Variants in RYR2 observed in about 807,000 individuals in gnomAD.
The protein encoded by RYR2 is ryanodine receptor 2, also known as cardiac muscle ryanodine receptor-calcium release channel.
A neutral mutation model predicts 601.1 loss-of-function variants in RYR2; 227 were observed. The observed-to-expected ratio is 0.38, with a 90% confidence interval of 0.34 to 0.42. The LOEUF (loss-of-function observed/expected upper bound fraction) is 0.42. Among genes scored for constraint, RYR2 ranks in the 10% least tolerant of loss-of-function variants. RYR2 has a pLI of 1.00. For missense variants in RYR2, 4,646 were observed against 6,156.5 expected, an observed-to-expected ratio of 0.75 and a Z score of 8.21; for synonymous variants, 2,223 against 2,175.1, an observed-to-expected ratio of 1.02 and a Z score of -0.61.
At chr1:237,645,884 T>G (rs913395477) in intron 48 of RYR2, among the ~76,000 whole-genome samples, 6 of 148,734 alleles carry the variant, frequency 4.0e-5, no homozygotes, top group African/African-American at 1.5e-4. Context: ...TTTTTTTGCT[T>G]TTTTTTTTTT....
At chr1:237,103,261 T>C (rs1282802192) in intron 1 of RYR2, among the ~76,000 whole-genome samples, 1 of 152,222 alleles carries the variant, frequency 6.6e-6, no homozygotes, top group African/African-American at 2.4e-5. Flanking sequence ...CCGAACACTG[T>C]CCTACGTTTG....
At chr1:237,304,352 A>G (rs12029451) in intron 2 of RYR2, among the ~76,000 whole-genome samples, 37,986 of 152,062 alleles carry the variant, frequency 0.25, 5,746 homozygotes, top group South Asian at 0.36. Flanking sequence ...TAATAATTCT[A>G]TTTCCTCATC....
intron 1 of RYR2, among the ~76,000 whole-genome samples, chr1:237,258,225 G>A (rs2149301514): frequency 6.6e-6 from 1 of 151,808 alleles, no homozygotes; most frequent in Middle Eastern, 3.4e-3. Flanking sequence ...GCACATCTGA[G>A]GAGCAAAATA....
At position 237,654,118 on chromosome 1, in the gene RYR2, G is replaced by A. The variant is rs192918389; in HGVS notation, c.7825-156G>A. Among the ~76,000 whole-genome samples the A allele has an allele frequency of 4.0e-3, 611 of 152,194 alleles. 6 individuals carry two copies. The highest frequency in any genetic ancestry group is 0.014 in the African/African-American group (580 of 41,512). On this transcript the variant is annotated intron_variant, in intron 51 of 104. Transcript: ENST00000366574. ...ATTAACCATCACGTGTAGTATACACGGTGATAGTATTCTCCAAGATAATTT... is the reference window on the plus strand; with the variant it reads ...ATTAACCATCACGTGTAGTATACACAGTGATAGTATTCTCCAAGATAATTT...
At chr1:237,755,365 A>G (rs1290451497) in intron 80 of RYR2, among the ~76,000 whole-genome samples, 9 of 152,224 alleles carry the variant, frequency 5.9e-5, no homozygotes, top group Middle Eastern at 3.4e-3. Flanking sequence ...CTCTTAGGTC[A>G]TATATGTTTT....
rs1468480737 is a variant in RYR2, at chr1:237,387,303, G to C, written c.599G>C (p.Ser200Thr). 6.2e-7 allele frequency: 1 copy of C among 1,614,014 alleles called. No individual in the cohort carries two copies. Among genetic ancestry groups the C allele is most frequent in the South Asian group, 1.1e-5 (1 of 91,086 alleles). Residue 200 changes from serine to threonine, a missense_variant, in exon 9 of 105, where the codon AGC becomes ACC. Around this residue, in one of 17 missense-constraint regions of RYR2, gnomAD observed 87 missense variants for 144.7 expected, o/e 0.60. Coordinates refer to ENST00000366574, the MANE Select transcript of RYR2 (RefSeq NM_001035.3). ...CAGCACTTGTCTTATGGCAACGGCA[G>C]CTTACACGTGGATGCCGCTTTCCAG... ...RYLHLSYGNG[S>T]LHVDAAFQQT...
intron 34 of RYR2, among the ~76,000 whole-genome samples, chr1:237,600,260 C>A (rs1367381377): frequency 1.3e-5 from 2 of 151,824 alleles, no homozygotes; most frequent in African/African-American, 2.4e-5. Context: ...GACATATAGA[C>A]CAATAAAACA....
intron 78 of RYR2, 126 bp downstream of exon 78, chr1:237,732,275 A>G (rs1690759775): frequency 1.1e-5 from 6 of 536,050 alleles, no homozygotes; most frequent in Non-Finnish European, 1.6e-5. Context: ...GAATTGTTCA[A>G]AGATAACAAC....
chr1:237,045,519 T>C (rs991289059), intron 1 of RYR2, among the ~76,000 whole-genome samples: 1 of 152,170 alleles, frequency 6.6e-6, no homozygotes, highest in African/African-American at 2.4e-5. Flanking sequence ...ACCTGCCCAC[T>C]TGGGTCTGTT....
intron 100 of RYR2, among the ~76,000 whole-genome samples, chr1:237,811,527 T>C (rs1393404449): frequency 6.6e-6 from 1 of 152,004 alleles, no homozygotes; most frequent in East Asian, 1.9e-4. Context: ...TTCCCAACTT[T>C]CTTTTTAATA....
chr1:237,588,205 C>T (rs1674748427), intron 29 of RYR2, among the ~76,000 whole-genome samples: 1 of 151,870 alleles, frequency 6.6e-6, no homozygotes, highest in Admixed American at 6.6e-5. Context: ...GTTCTTTTTT[C>T]CTGGTTGGTG....
chr1:237,495,443 A>G (rs1663967166), intron 19 of RYR2, among the ~76,000 whole-genome samples: 1 of 152,224 alleles, frequency 6.6e-6, no homozygotes, highest in Admixed American at 6.5e-5. Flanking sequence ...AAATAAATCA[A>G]TTACATATTA....
intron 26 of RYR2, 130 bp downstream of exon 26, chr1:237,548,720 C>T: frequency 1.8e-6 from 2 of 1,130,044 alleles, no homozygotes; most frequent in Non-Finnish European, 2.5e-6. Context: ...CACATTTGGA[C>T]TAAAACAGCT....
intron 42 of RYR2, among the ~76,000 whole-genome samples, chr1:237,632,649 G>A (rs914477148): frequency 6.6e-6 from 1 of 151,774 alleles, no homozygotes; most frequent in African/African-American, 2.4e-5. Flanking sequence ...TCCTGCCTTG[G>A]CCTCCCAAAG....
intron 28 of RYR2, among the ~76,000 whole-genome samples, chr1:237,567,966 G>C (rs906597963): frequency 1.3e-5 from 2 of 151,144 alleles, no homozygotes; most frequent in Non-Finnish European, 2.9e-5. Context: ...CACTTTTTTG[G>C]GGGGTTGGGG....
At chr1:237,375,150 AT>A (rs1176429152) in intron 7 of RYR2, among the ~76,000 whole-genome samples, 1 of 152,248 alleles carries the variant, frequency 6.6e-6, no homozygotes, top group African/African-American at 2.4e-5. Context: ...AAGTCTGAAA[AT>A]ATAACATACT....
intron 1 of RYR2, among the ~76,000 whole-genome samples, chr1:237,201,766 G>A (rs1348277342): frequency 6.6e-6 from 1 of 152,176 alleles, no homozygotes; most frequent in Non-Finnish European, 1.5e-5. Flanking sequence ...GATGACTCTG[G>A]CATTGGACTC....
chr1:237,525,797 T>C (rs963532085), intron 24 of RYR2, among the ~76,000 whole-genome samples: 23 of 152,022 alleles, frequency 1.5e-4, no homozygotes, highest in African/African-American at 5.3e-4. Flanking sequence ...CTGGCCAACA[T>C]GGTGCAAACC....
intron 29 of RYR2, 138 bp from the exon 30 acceptor site, chr1:237,589,655 C>G: frequency 1.5e-6 from 1 of 684,954 alleles, no homozygotes; most frequent in Admixed American, 2.7e-5. Flanking sequence ...TGTCATTGTT[C>G]CCTTTATTAC....
Sources: allele counts gnomAD v4.1 joint callset (sites outside exome capture counted in the v4.1 genomes callset), GRCh38; gene constraint gnomAD v4.1.1; regional missense constraint gnomAD v4.1.1; transcripts MANE v1.5; gene names NCBI Gene and HGNC (gene_info 2026-07-23, HGNC 2026-07-21).